The following RAB3GAP1 variants were observed in gnomAD, a reference collection of about 807,000 sequenced individuals.
RAB3GAP1 encodes rab3 GTPase-activating protein catalytic subunit.
RAB3GAP1 carries 86 observed loss-of-function variants against 130.7 expected under a neutral mutation model. The ratio of observed to expected loss-of-function variants is 0.66; its 90% confidence interval spans 0.55 to 0.79. RAB3GAP1 has a LOEUF of 0.79. Ranked by LOEUF, RAB3GAP1 falls within the 30% of genes least tolerant of loss-of-function variation. The pLI is 0.00. For missense variants in RAB3GAP1, 1,029 were observed against 1,169.4 expected, an observed-to-expected ratio of 0.88 and a Z score of 1.75; for synonymous variants, 367 against 401.7, an observed-to-expected ratio of 0.91 and a Z score of 1.03.
chr2:135,096,186 C>A (rs532381164), intron 5 of RAB3GAP1, among the ~76,000 whole-genome samples: 71 of 152,072 alleles, frequency 4.7e-4, no homozygotes, highest in African/African-American at 1.6e-3. Flanking sequence ...CCAAAATGGC[C>A]CTAGTAAAGA....
At chr2:135,110,558 A>G (rs1009116779) in intron 5 of RAB3GAP1, among the ~76,000 whole-genome samples, 4 of 152,238 alleles carry the variant, frequency 2.6e-5, no homozygotes, top group Admixed American at 1.3e-4. Context: ...GGTAGATTGC[A>G]GATAAATGGC....
intron 5 of RAB3GAP1, among the ~76,000 whole-genome samples, chr2:135,105,002 G>C (rs1690553126): frequency 6.6e-6 from 1 of 152,198 alleles, no homozygotes; most frequent in Non-Finnish European, 1.5e-5. Context: ...AGAAGAAAGA[G>C]TTGGGGGATT....
At chr2:135,157,577 G>T (rs1309452712) in intron 19 of RAB3GAP1, among the ~76,000 whole-genome samples, 2 of 152,150 alleles carry the variant, frequency 1.3e-5, no homozygotes, top group Non-Finnish European at 2.9e-5. Context: ...GCTCATGCCT[G>T]TAATCTTAGC....
At chr2:135,123,135 A>G (rs940125549) in intron 8 of RAB3GAP1, among the ~76,000 whole-genome samples, 1 of 152,206 alleles carries the variant, frequency 6.6e-6, no homozygotes, top group Non-Finnish European at 1.5e-5. Context: ...ACACTAGTCA[A>G]ACTCCAAGTC....
chr2:135,079,670 C>T (rs1357859375), intron 3 of RAB3GAP1, among the ~76,000 whole-genome samples: 1 of 152,208 alleles, frequency 6.6e-6, no homozygotes, highest in Non-Finnish European at 1.5e-5. Flanking sequence ...CAATTTTCTT[C>T]ATGAATCTAC....
Position 135,102,257 on chromosome 2 carries a change from G to T in RAB3GAP1, c.362+8564G>T, listed in dbSNP as rs76587425. ...CCCAGTAATGTAGGTTTTTAAGATG[G>T]AAGAAGAGGGCCATGAGCCAAGTAA... On this transcript the variant is annotated intron_variant, in intron 5 of 23. Transcript: ENST00000264158. Among the ~76,000 whole-genome samples the T allele has an allele frequency of 9.8e-3, 1,488 of 152,290 alleles. 23 individuals carry two copies. The highest frequency in any genetic ancestry group is 0.034 in the African/African-American group (1,419 of 41,550).
chr2:135,112,326 A>C (rs1291617160), intron 5 of RAB3GAP1, among the ~76,000 whole-genome samples: 2 of 152,218 alleles, frequency 1.3e-5, no homozygotes, highest in Non-Finnish European at 2.9e-5. Context: ...TACCAGCCAA[A>C]AGGCTAAAGT....
At chr2:135,058,764 T>C (rs1689090083) in intron 3 of RAB3GAP1, 1 of 152,170 alleles carries the variant, frequency 6.6e-6, no homozygotes, top group African/African-American at 2.4e-5. Context: ...TGTGAAGGGA[T>C]CTAACAATTT....
At chr2:135,150,093 C>T (rs1692130634) in intron 17 of RAB3GAP1, among the ~76,000 whole-genome samples, 1 of 152,156 alleles carries the variant, frequency 6.6e-6, no homozygotes. Flanking sequence ...AAATGTTGCT[C>T]AGTGGACCCA....
intron 23 of RAB3GAP1, among the ~76,000 whole-genome samples, chr2:135,167,972 A>G (rs1428110857): frequency 3.9e-5 from 6 of 152,238 alleles, no homozygotes; most frequent in African/African-American, 1.4e-4. Flanking sequence ...ATTTCAATGA[A>G]AAAATAGATG....
chr2:135,107,595 A>G (rs1344103406), intron 5 of RAB3GAP1, among the ~76,000 whole-genome samples: 5 of 152,214 alleles, frequency 3.3e-5, no homozygotes, highest in Non-Finnish European at 7.3e-5. Context: ...TTTGTAAGTG[A>G]TAGATATTTA....
chr2:135,083,535 A>G (rs1163729380), intron 3 of RAB3GAP1, among the ~76,000 whole-genome samples: 1 of 151,920 alleles, frequency 6.6e-6, no homozygotes, highest in Non-Finnish European at 1.5e-5. Context: ...ATCATAGTTT[A>G]CTGTAACCTC....
intron 6 of RAB3GAP1, 36 bp downstream of exon 6, chr2:135,113,306 CTG>C (rs777912291): frequency 2.8e-5 from 45 of 1,609,480 alleles, no homozygotes; most frequent in East Asian, 6.7e-5. Context: ...GACAAAAAAA[CTG>C]TTTTTAACAA....
At chr2:135,132,482 G>A (rs1349964231) in intron 13 of RAB3GAP1, among the ~76,000 whole-genome samples, 1 of 152,122 alleles carries the variant, frequency 6.6e-6, no homozygotes, top group Non-Finnish European at 1.5e-5. Context: ...AAAGCCTGTG[G>A]ATGATGTAAC....
chr2:135,054,473 C>T, intron 2 of RAB3GAP1, among the ~76,000 whole-genome samples: 1 of 152,138 alleles, frequency 6.6e-6, no homozygotes, highest in East Asian at 1.9e-4. Flanking sequence ...AGGATTGTAA[C>T]ATATTTCAGA....
chr2:135,130,735 C>G lies in RAB3GAP1; in HGVS notation c.1236+14C>G. On this transcript the variant is annotated intron_variant, in intron 13 of 23. Transcript: ENST00000264158. ...ACTATTCTCCTGGTAACTAAATGTT[C>G]TGTCTTTATAGGTCTATATGCAGAA... is the stretch of plus-strand genomic sequence containing the variant. 1 of 1,602,100 alleles carries G rather than the reference C, an allele frequency of 6.2e-7. No individual in the cohort carries two copies.
chr2:135,155,645 C>T (rs1190922745), intron 19 of RAB3GAP1, among the ~76,000 whole-genome samples: 1 of 151,878 alleles, frequency 6.6e-6, no homozygotes, highest in Non-Finnish European at 1.5e-5. Context: ...GGGGAAAATA[C>T]AAATTGAAAG....
At chr2:135,114,244 C>A (rs879492673) in intron 6 of RAB3GAP1, among the ~76,000 whole-genome samples, 13 of 152,176 alleles carry the variant, frequency 8.5e-5, no homozygotes, top group Admixed American at 7.9e-4. Context: ...TTTTCAGTAC[C>A]TTTAGGCCCT....
At chr2:135,081,328 ATATATATATATATAT>A (rs1202109364) in intron 3 of RAB3GAP1, among the ~76,000 whole-genome samples, 19 of 55,392 alleles carry the variant, frequency 3.4e-4, no homozygotes, top group African/African-American at 1.5e-3. Context: ...AAAAAAAAAA[ATATATATATATATAT>A]ATATATATAT....
Sources: allele counts gnomAD v4.1 joint callset (sites outside exome capture counted in the v4.1 genomes callset), GRCh38; gene constraint gnomAD v4.1.1; transcripts MANE v1.5; gene names NCBI Gene and HGNC (gene_info 2026-07-23, HGNC 2026-07-21).